The following CNIH3 variants were observed in gnomAD, a reference collection of about 807,000 sequenced individuals.
The protein encoded by CNIH3 is protein cornichon homolog 3.
A neutral mutation model predicts 24.1 loss-of-function variants in CNIH3; 14 were observed. That is an observed-to-expected ratio of 0.58 (90% CI 0.38 to 0.91). The LOEUF (loss-of-function observed/expected upper bound fraction) is 0.91, where lower values mean the gene tolerates loss of function less well. Ranked by LOEUF, CNIH3 falls within the 40% of genes least tolerant of loss-of-function variation. CNIH3 has a pLI of 0.00. For missense variants in CNIH3, 178 were observed against 196.8 expected, an observed-to-expected ratio of 0.90 and a Z score of 0.57; for synonymous variants, 68 against 73.8, an observed-to-expected ratio of 0.92 and a Z score of 0.40.
Position 224,604,005 on chromosome 1 carries a change from A to C in CNIH3, n.402+37741A>C, listed in dbSNP as rs763923605. Among the ~76,000 whole-genome samples, 7 of 152,244 alleles carry C rather than the reference A, an allele frequency of 4.6e-5. No homozygotes were observed. The highest frequency in any genetic ancestry group is 1.9e-4 in the East Asian group (1 of 5,202). ...CTTACACAAGAATTACAATGCACAG[A>C]CAATACAAATAAAGTAACAACTATG... On this transcript the variant is annotated intron_variant and non_coding_transcript_variant, in intron 3 of 7. Transcript: ENST00000478120. The surrounding 1 kb of genome is among the most constrained non-coding windows in gnomAD (Gnocchi z 4.4).
At chr1:224,713,613 A>C (rs777182476) in intron 3 of CNIH3, among the ~76,000 whole-genome samples, 2 of 152,170 alleles carry the variant, frequency 1.3e-5, no homozygotes, top group African/African-American at 4.8e-5. Flanking sequence ...ATGTAATAAA[A>C]CACCACAGTG....
chr1:224,549,441 ATATT>A (rs1679829156), intron 3 of CNIH3, among the ~76,000 whole-genome samples: 1 of 152,118 alleles, frequency 6.6e-6, no homozygotes, highest in Non-Finnish European at 1.5e-5. Flanking sequence ...CAGAGTGATG[ATATT>A]TCCTTAATAT....
In CNIH3 at chr1:224,739,499, T is replaced by A. The variant is rs1342693744; in HGVS notation, c.*143T>A. The A allele has an allele frequency of 3.4e-6, 5 of 1,474,906 alleles. No individual in the cohort carries two copies. The highest frequency in any genetic ancestry group is 4.6e-6 in the Non-Finnish European group (5 of 1,092,848). The allele number at this position is 1,474,906 out of a possible 1,614,324, so 91.4% of individuals were successfully genotyped here. A position where few individuals can be genotyped will look rare whatever the true frequency, so the allele number is the denominator to read the frequency against. ...GCAGGCAGTCAGACTGAATGGGAGC[T>A]GGAATCACGCAGCAGCTGGGAGCCG... On this transcript the variant is annotated 3_prime_UTR_variant, in exon 6 of 6. Coordinates refer to ENST00000272133, the MANE Select transcript of CNIH3 (RefSeq NM_152495.2).
intron 3 of CNIH3, among the ~76,000 whole-genome samples, chr1:224,610,887 A>G (rs1480831056): frequency 6.6e-6 from 1 of 152,144 alleles, no homozygotes; most frequent in Admixed American, 6.5e-5. Context: ...ACCCCAAAGC[A>G]CTGTCTCTCT....
chr1:224,641,172 T>C (rs1436465674), intron 1 of CNIH3, among the ~76,000 whole-genome samples: 4 of 152,152 alleles, frequency 2.6e-5, no homozygotes, highest in African/African-American at 9.7e-5. Flanking sequence ...CTCCTCGGCA[T>C]ACATCGGCAC....
chr1:224,720,556 G>A (rs1444499520), intron 3 of CNIH3, among the ~76,000 whole-genome samples: 4 of 152,216 alleles, frequency 2.6e-5, no homozygotes, highest in African/African-American at 9.6e-5. Context: ...GGGTGGGACA[G>A]GTTGGAGAGG....
chr1:224,509,250 G>A (rs1177716036), intron 1 of CNIH3, among the ~76,000 whole-genome samples: 1 of 152,234 alleles, frequency 6.6e-6, no homozygotes, highest in Non-Finnish European at 1.5e-5. Flanking sequence ...TTGAACCTGG[G>A]AGGTGGAGGT....
intron 3 of CNIH3, among the ~76,000 whole-genome samples, chr1:224,606,148 C>G (rs1445460554): frequency 3.9e-5 from 6 of 152,078 alleles, no homozygotes; most frequent in Admixed American, 3.9e-4. Context: ...TGCGACCCCC[C>G]CAGATCCCCA....
intron 1 of CNIH3, among the ~76,000 whole-genome samples, chr1:224,460,972 A>T (rs184304631): frequency 2.7e-4 from 40 of 149,870 alleles, no homozygotes; most frequent in Admixed American, 7.3e-4. Context: ...CTTTACCCTT[A>T]ATTCATTGTA....
In CNIH3 at chr1:224,656,104, C is replaced by T. The variant is rs1685081690; in HGVS notation, c.82-24854C>T. Among the ~76,000 whole-genome samples the T allele has an allele frequency of 7.2e-5, 11 of 152,286 alleles. No individual in the cohort carries two copies. In the South Asian group the frequency reaches 2.3e-3, roughly 32 times the overall value. ...GGGGCAGTTTCAGTCCCTCCCCTTT[C>T]TATTGATCAATTCCTCAATCATGGG... is the stretch of plus-strand genomic sequence containing the variant. On this transcript the variant is annotated intron_variant, in intron 1 of 5. Coordinates refer to ENST00000272133, the MANE Select transcript of CNIH3 (RefSeq NM_152495.2).
chr1:224,545,388 G>A (rs1236235445), intron 2 of CNIH3, among the ~76,000 whole-genome samples: 1 of 152,134 alleles, frequency 6.6e-6, no homozygotes, highest in African/African-American at 2.4e-5. Context: ...GTGAGACTTG[G>A]AGTGAGAAAT....
chr1:224,537,421 G>C (rs1308025330), downstream of CNIH3: 2 of 152,212 alleles, frequency 1.3e-5, no homozygotes, highest in Admixed American at 1.3e-4. Flanking sequence ...GTGAAAGGCT[G>C]ATAAAAGACT....
Position 224,458,740 on chromosome 1 carries a change from A to G in CNIH3, n.203+23878A>G, listed in dbSNP as rs1223789712. Among the ~76,000 whole-genome samples, 3 of 152,184 alleles carry G rather than the reference A, an allele frequency of 2.0e-5. No homozygotes were observed. In the East Asian group the frequency reaches 5.8e-4, roughly 29 times the overall value. On this transcript the variant is annotated intron_variant and non_coding_transcript_variant, in intron 1 of 5. Coordinates refer to the CNIH3 transcript ENST00000471578. This position sits in a 1 kb window ranked among gnomAD's most constrained non-coding sequence, Gnocchi z 4.3. Reference sequence around the variant, plus strand: ...CTTGCTTGGATCCACCCACATACCCAAATCACCATGGGTATCAGACACACT... The same window carrying G: ...CTTGCTTGGATCCACCCACATACCCGAATCACCATGGGTATCAGACACACT...
At chr1:224,513,696 T>C (rs1678263892), upstream of CNIH3, 1 of 152,236 alleles carries the variant, frequency 6.6e-6, no homozygotes, top group Non-Finnish European at 1.5e-5. Context: ...TAATTCAATA[T>C]AGTGGCATGA....
chr1:224,584,316 T>G (rs1315815693), intron 5 of CNIH3, among the ~76,000 whole-genome samples: 2 of 152,212 alleles, frequency 1.3e-5, no homozygotes, highest in African/African-American at 4.8e-5. Flanking sequence ...AGGTCTAATT[T>G]GTCCTTGAAC....
intron 1 of CNIH3, among the ~76,000 whole-genome samples, chr1:224,640,494 C>T (rs1684304147): frequency 1.3e-5 from 2 of 152,212 alleles, no homozygotes; most frequent in African/African-American, 4.8e-5. Flanking sequence ...AAGGCACATG[C>T]GATCTTAGGT....
intron 5 of CNIH3, among the ~76,000 whole-genome samples, chr1:224,738,959 T>A (rs1368371102): frequency 6.6e-6 from 1 of 152,088 alleles, no homozygotes; most frequent in Non-Finnish European, 1.5e-5. Context: ...TGCAAGCACA[T>A]GGCAGCTGGT....
chr1:224,674,610 T>G (rs1352792107), intron 1 of CNIH3, among the ~76,000 whole-genome samples: 4 of 151,934 alleles, frequency 2.6e-5, no homozygotes, highest in African/African-American at 9.7e-5. Context: ...GGTCCTGTGG[T>G]TGGGGGAACA....
At position 224,730,223 on chromosome 1, in the gene CNIH3, G is replaced by A. The variant is rs1689250356; in HGVS notation, c.199-239G>A. ...AAGCGTGGTATTCTGTTAATAGTAA[G>A]CAGTGCACTGAGGGCTTGTGTCATT... On this transcript the variant is annotated intron_variant, in intron 3 of 5. Coordinates refer to ENST00000272133, the MANE Select transcript of CNIH3 (RefSeq NM_152495.2). 3 of 461,014 alleles carry A rather than the reference G, an allele frequency of 6.5e-6. No homozygotes were observed. The South Asian group carries it at 1.0e-4, about 16-fold the overall frequency. The allele number at this position is 461,014 out of a possible 1,614,324, so 28.6% of individuals were successfully genotyped here. A position where few individuals can be genotyped will look rare whatever the true frequency, so the allele number is the denominator to read the frequency against.
Sources: allele counts gnomAD v4.1 joint callset (sites outside exome capture counted in the v4.1 genomes callset), GRCh38; gene constraint gnomAD v4.1.1; non-coding constraint Gnocchi (gnomAD v3.1); transcripts MANE v1.5; gene names NCBI Gene and HGNC (gene_info 2026-07-23, HGNC 2026-07-21).